The following CTNNA3 variants were observed in gnomAD, a reference collection of about 807,000 sequenced individuals.
The protein encoded by CTNNA3 is catenin alpha-3.
CTNNA3 carries 76 observed loss-of-function variants against 95.7 expected under a neutral mutation model. The observed-to-expected ratio is 0.79, with a 90% CI of 0.66 to 0.96. CTNNA3 has a LOEUF of 0.96. Among genes scored for constraint, CTNNA3 ranks in the 40% least tolerant of loss-of-function variants. The pLI is 0.00. For missense variants in CTNNA3, 1,191 were observed against 1,089.8 expected, an observed-to-expected ratio of 1.09 and a Z score of -1.31; for synonymous variants, 431 against 374.4, an observed-to-expected ratio of 1.15 and a Z score of -1.74.
intron 11 of CTNNA3, among the ~76,000 whole-genome samples, chr10:66,474,796 T>C (rs943318442): frequency 2.6e-5 from 4 of 152,088 alleles, no homozygotes; most frequent in African/African-American, 9.7e-5. Context: ...TGATTAGTGA[T>C]GCCGAACATT....
At chr10:67,003,215 C>T (rs1354940657) in intron 7 of CTNNA3, among the ~76,000 whole-genome samples, 1 of 152,146 alleles carries the variant, frequency 6.6e-6, no homozygotes, top group Non-Finnish European at 1.5e-5. Flanking sequence ...AGTGCCTATG[C>T]TTATGACTAA....
Position 66,071,461 on chromosome 10 carries a change from C to G in CTNNA3, c.1978-1972G>C, listed in dbSNP as rs1370429826. Reference sequence around the variant, plus strand: ...TTGTAAGTGAGGAAATCGAGTCTCTCTGAAACATTAAGTGATTTATCAAGA... The same window carrying G: ...TTGTAAGTGAGGAAATCGAGTCTCTGTGAAACATTAAGTGATTTATCAAGA... On this transcript the variant is annotated intron_variant, in intron 14 of 17. Transcript: ENST00000433211. Among the ~76,000 whole-genome samples the G allele has an allele frequency of 1.0e-4, 4 of 39,342 alleles. No individual in the cohort carries two copies. The East Asian group carries it at 3.2e-3, about 32-fold the overall frequency. 25.8% of individuals were successfully genotyped at this position (39,342 alleles called of 152,430 possible).
intron 7 of CTNNA3, among the ~76,000 whole-genome samples, chr10:67,090,004 A>T (rs555511984): frequency 9.9e-5 from 15 of 152,212 alleles, no homozygotes; most frequent in African/African-American, 3.6e-4. Context: ...CAAACTACAG[A>T]TTAATTCAAG....
intron 7 of CTNNA3, among the ~76,000 whole-genome samples, chr10:66,813,457 A>C (rs1474609251): frequency 6.6e-6 from 1 of 152,228 alleles, no homozygotes; most frequent in Non-Finnish European, 1.5e-5. Context: ...TAGAGTTAGG[A>C]AAGTTTAACT....
At chr10:66,189,881 T>G in intron 13 of CTNNA3, among the ~76,000 whole-genome samples, 1 of 152,004 alleles carries the variant, frequency 6.6e-6, no homozygotes, top group East Asian at 1.9e-4. Flanking sequence ...CTCTAATTTT[T>G]TATCTGGTAT....
At chr10:67,385,321 T>C (rs1844111685) in intron 5 of CTNNA3, among the ~76,000 whole-genome samples, 1 of 152,224 alleles carries the variant, frequency 6.6e-6, no homozygotes, top group Non-Finnish European at 1.5e-5. Context: ...AGAATTCACT[T>C]ATGCAAGAAT....
rs554893454 is a variant in CTNNA3, at chr10:67,744,423, A to G, written c.-2+19011T>C. Among the ~76,000 whole-genome samples the G allele has an allele frequency of 2.6e-4, 40 of 151,436 alleles. No homozygotes were observed. In the Middle Eastern group the frequency reaches 0.014, roughly 52 times the overall value. On this transcript the variant is annotated intron_variant, in intron 1 of 17. Transcript: ENST00000684154. ...GGGGAAAGGATTCCCTATTTAATAA[A>G]TGGTGCTGGGAAAACTGGCTAGCCA...
intron 5 of CTNNA3, among the ~76,000 whole-genome samples, chr10:67,392,992 C>T (rs1844565601): frequency 6.6e-6 from 1 of 151,886 alleles, no homozygotes; most frequent in South Asian, 2.1e-4. Flanking sequence ...ACCAGCATGG[C>T]ACATGTATAC....
intron 9 of CTNNA3, among the ~76,000 whole-genome samples, chr10:66,668,110 AAG>A (rs1846521164): frequency 6.6e-6 from 1 of 152,140 alleles, no homozygotes; most frequent in Non-Finnish European, 1.5e-5. Flanking sequence ...GGTGTATTAA[AAG>A]AGTTAAATGC....
chr10:66,651,053 T>C (rs998438835), intron 9 of CTNNA3, among the ~76,000 whole-genome samples: 5 of 152,158 alleles, frequency 3.3e-5, no homozygotes, highest in Non-Finnish European at 7.4e-5. Flanking sequence ...TTGGTGCATT[T>C]ACAATCCTTT....
At chr10:67,383,149 ATC>A (rs1479695055) in intron 5 of CTNNA3, among the ~76,000 whole-genome samples, 2 of 152,188 alleles carry the variant, frequency 1.3e-5, no homozygotes, top group East Asian at 3.8e-4. Flanking sequence ...ATATTATATA[ATC>A]TCTATTAATA....
At chr10:66,716,604 T>A (rs987408717) in intron 9 of CTNNA3, among the ~76,000 whole-genome samples, 6 of 152,136 alleles carry the variant, frequency 3.9e-5, no homozygotes, top group Admixed American at 3.3e-4. Flanking sequence ...AGGCCAGAAT[T>A]GAGGCAACAG....
intron 17 of CTNNA3, among the ~76,000 whole-genome samples, chr10:65,927,009 CATCTAT>C (rs1276609840): frequency 6.6e-6 from 1 of 151,976 alleles, no homozygotes; most frequent in Non-Finnish European, 1.5e-5. Flanking sequence ...GAAAGCATAT[CATCTAT>C]GAATAAAGAC....
intron 7 of CTNNA3, among the ~76,000 whole-genome samples, chr10:66,828,541 C>T (rs1242022494): frequency 6.6e-6 from 1 of 152,132 alleles, no homozygotes; most frequent in African/African-American, 2.4e-5. Flanking sequence ...ATGTTGCTTG[C>T]CACGTGGTTA....
At chr10:66,003,254 T>C (rs747389557) in intron 15 of CTNNA3, among the ~76,000 whole-genome samples, 3 of 152,104 alleles carry the variant, frequency 2.0e-5, no homozygotes, top group South Asian at 2.1e-4. Context: ...TTTCAAGATA[T>C]TTTAGGAGAT....
intron 9 of CTNNA3, among the ~76,000 whole-genome samples, chr10:66,757,762 A>ACTT (rs1262114497): frequency 6.6e-6 from 1 of 152,176 alleles, no homozygotes; most frequent in African/African-American, 2.4e-5. Context: ...CTCACTTTCT[A>ACTT]CTTTTAAATT....
At chr10:67,702,424 G>A (rs1480401727) in intron 1 of CTNNA3, among the ~76,000 whole-genome samples, 7 of 152,172 alleles carry the variant, frequency 4.6e-5, no homozygotes, top group Admixed American at 3.9e-4. Context: ...ATAACAAACT[G>A]TCTCTCAGAC....
At chr10:67,749,038 A>G (rs1332249600) in intron 1 of CTNNA3, among the ~76,000 whole-genome samples, 1 of 152,232 alleles carries the variant, frequency 6.6e-6, no homozygotes, top group East Asian at 1.9e-4. Context: ...TTAAACCAAC[A>G]AAGATCAAAA....
At position 66,019,459 on chromosome 10, in the gene CTNNA3, G is replaced by T. The variant is rs115000692; in HGVS notation, c.2160-30662C>A. Among the ~76,000 whole-genome samples the T allele has an allele frequency of 5.1e-3, 772 of 152,152 alleles. 8 individuals are homozygous for T. Among genetic ancestry groups the T allele is most frequent in the African/African-American group, 0.017 (717 of 41,518 alleles). ...AATCAGATCCCCCCCAAAAGTGGGGGATCCCACTTCTCCTACTGTAGCATT... is the reference window on the plus strand; with the variant it reads ...AATCAGATCCCCCCCAAAAGTGGGGTATCCCACTTCTCCTACTGTAGCATT... On this transcript the variant is annotated intron_variant, in intron 15 of 17. Coordinates refer to ENST00000433211, the MANE Select transcript of CTNNA3 (RefSeq NM_013266.4).
Sources: allele counts gnomAD v4.1 joint callset (sites outside exome capture counted in the v4.1 genomes callset), GRCh38; gene constraint gnomAD v4.1.1; transcripts MANE v1.5; gene names NCBI Gene and HGNC (gene_info 2026-07-23, HGNC 2026-07-21).